Variants in ST18 observed in about 807,000 individuals in gnomAD.
ST18 encodes suppression of tumorigenicity 18 protein.
Under a neutral mutation model 110.0 loss-of-function variants are expected in ST18, and 50 were observed. That is an observed-to-expected ratio of 0.45 (90% CI 0.36 to 0.58). The LOEUF (loss-of-function observed/expected upper bound fraction) is 0.58, where lower values mean the gene tolerates loss of function less well. Ranked by LOEUF, ST18 falls within the 20% of genes least tolerant of loss-of-function variation. ST18 has a pLI of 0.00. For missense variants in ST18, 1,306 were observed against 1,280.1 expected, an observed-to-expected ratio of 1.02 and a Z score of -0.31; for synonymous variants, 461 against 452.4, an observed-to-expected ratio of 1.02 and a Z score of -0.24.
chr8:52,146,483 C>A (rs1274881516), intron 16 of ST18, among the ~76,000 whole-genome samples: 1 of 140,050 alleles, frequency 7.1e-6, no homozygotes, highest in Admixed American at 7.1e-5. Context: ...TCTTTTTTTT[C>A]TTTGTTGTAG....
chr8:52,377,784 A>C (rs1471480347), intron 2 of ST18, among the ~76,000 whole-genome samples: 1 of 152,204 alleles, frequency 6.6e-6, no homozygotes, highest in Non-Finnish European at 1.5e-5. Context: ...CAGTATTTCT[A>C]AGTGATATCT....
At chr8:52,307,335 T>C (rs948074924) in intron 2 of ST18, among the ~76,000 whole-genome samples, 1 of 152,164 alleles carries the variant, frequency 6.6e-6, no homozygotes, top group Non-Finnish European at 1.5e-5. Flanking sequence ...GGGAAGACAG[T>C]GAACAAAACT....
chr8:52,338,504 G>T (rs1813274101), intron 2 of ST18, among the ~76,000 whole-genome samples: 2 of 151,928 alleles, frequency 1.3e-5, no homozygotes, highest in Admixed American at 1.3e-4. Flanking sequence ...GTTCACTGCA[G>T]CCTCGACCTC....
intron 2 of ST18, among the ~76,000 whole-genome samples, chr8:52,247,460 C>T (rs909773491): frequency 3.9e-5 from 6 of 152,108 alleles, no homozygotes; most frequent in African/African-American, 4.8e-5. Flanking sequence ...TCATCCACAG[C>T]GATGCAACTA....
intron 23 of ST18, among the ~76,000 whole-genome samples, chr8:52,125,086 C>T (rs1280300123): frequency 6.6e-6 from 1 of 152,092 alleles, no homozygotes; most frequent in East Asian, 1.9e-4. Context: ...ACAACACAGG[C>T]CCCAGATAAT....
chr8:52,403,169 T>C (rs991598474), intron 2 of ST18, among the ~76,000 whole-genome samples: 3 of 151,984 alleles, frequency 2.0e-5, no homozygotes, highest in African/African-American at 7.3e-5. Flanking sequence ...GGTATGGAGT[T>C]GCTGCAGCTC....
rs1429625838 is a variant in ST18, at chr8:52,112,441, A to G, written c.*757T>C. The G allele has an allele frequency of 3.9e-5, 6 of 152,646 alleles. No individual in the cohort carries two copies. In the East Asian group the frequency reaches 1.2e-3, roughly 29 times the overall value. The allele number at this position is 152,646 out of a possible 1,614,324, so 9.5% of individuals were successfully genotyped here. ...TGTTTCTTTAAAACATTTCAAATAA[A>G]TAATTCATATTAACGAAAACCGTCC... On this transcript the variant is annotated 3_prime_UTR_variant, in exon 26 of 26. Transcript: ENST00000689386.
At chr8:52,370,675 T>G (rs1330293513) in intron 2 of ST18, among the ~76,000 whole-genome samples, 1 of 152,210 alleles carries the variant, frequency 6.6e-6, no homozygotes, top group Non-Finnish European at 1.5e-5. Context: ...CATGACGGCC[T>G]GCATCTGGGA....
At chr8:52,184,135 G>A (rs951263439) in intron 8 of ST18, among the ~76,000 whole-genome samples, 3 of 152,172 alleles carry the variant, frequency 2.0e-5, no homozygotes, top group Non-Finnish European at 4.4e-5. Context: ...TCTTCTCAAG[G>A]TTGCCAGAAA....
intron 3 of ST18, among the ~76,000 whole-genome samples, chr8:52,226,369 C>T (rs923858009): frequency 6.6e-6 from 1 of 152,152 alleles, no homozygotes; most frequent in Non-Finnish European, 1.5e-5. Context: ...AAAAACGCAT[C>T]TCATGGAGAT....
intron 2 of ST18, among the ~76,000 whole-genome samples, chr8:52,267,998 C>G (rs1480267424): frequency 6.6e-6 from 1 of 152,164 alleles, no homozygotes; most frequent in Non-Finnish European, 1.5e-5. Context: ...TAGTTCACCC[C>G]AAAATATGAA....
chr8:52,385,597 C>A (rs760894330), intron 2 of ST18, among the ~76,000 whole-genome samples: 11 of 116,728 alleles, frequency 9.4e-5, no homozygotes, highest in African/African-American at 2.5e-4. Context: ...GACTCCGACT[C>A]AAAAAAAAAA....
At chr8:52,312,846 G>GA (rs1431424439) in intron 2 of ST18, among the ~76,000 whole-genome samples, 3 of 152,212 alleles carry the variant, frequency 2.0e-5, no homozygotes, top group Middle Eastern at 6.8e-3. Context: ...GGTCAGTGAT[G>GA]AAAAAAAGAC....
At chr8:52,381,703 T>C (rs948876731) in intron 2 of ST18, among the ~76,000 whole-genome samples, 1 of 152,134 alleles carries the variant, frequency 6.6e-6, no homozygotes, top group Non-Finnish European at 1.5e-5. Context: ...GATCCTGGAA[T>C]GTCATCAATT....
intron 2 of ST18, among the ~76,000 whole-genome samples, chr8:52,255,387 A>C (rs2094494353): frequency 6.6e-6 from 1 of 152,174 alleles, no homozygotes; most frequent in Non-Finnish European, 1.5e-5. Context: ...CTATCCTCCC[A>C]AATTTGCCAC....
chr8:52,284,879 T>G (rs1456025186), intron 2 of ST18, among the ~76,000 whole-genome samples: 1 of 152,176 alleles, frequency 6.6e-6, no homozygotes, highest in Non-Finnish European at 1.5e-5. Context: ...CAAATATTTT[T>G]TGGGAAAATT....
intron 8 of ST18, among the ~76,000 whole-genome samples, chr8:52,208,546 G>T (rs368862639): frequency 1.3e-5 from 2 of 152,256 alleles, no homozygotes; most frequent in Admixed American, 1.3e-4. Context: ...GCAACTTGGG[G>T]CTGGGCGCGG....
chr8:52,357,702 TATATATATATATATATA>T (rs1823574764), intron 2 of ST18, among the ~76,000 whole-genome samples: 4 of 112,908 alleles, frequency 3.5e-5, no homozygotes, highest in African/African-American at 1.3e-4. Flanking sequence ...TATATATATA[TATATATATATATATATA>T]TATATATATA....
intron 8 of ST18, among the ~76,000 whole-genome samples, chr8:52,203,977 T>C (rs17220562): frequency 0.028 from 4,196 of 152,330 alleles, 80 homozygotes; most frequent in Non-Finnish European, 0.045. Flanking sequence ...TAGGTGGTTA[T>C]AGAGTCATCT....
Sources: allele counts gnomAD v4.1 joint callset (sites outside exome capture counted in the v4.1 genomes callset), GRCh38; gene constraint gnomAD v4.1.1; transcripts MANE v1.5; gene names NCBI Gene and HGNC (gene_info 2026-07-23, HGNC 2026-07-21).